Variants in TEKT5 observed in about 807,000 individuals in gnomAD.
TEKT5 encodes the protein tektin 5, also known as tektin-5.
TEKT5 carries 52 observed loss-of-function variants against 48.7 expected under a neutral mutation model. That is an observed-to-expected ratio of 1.07 (90% CI 0.86 to 1.35). TEKT5 has a LOEUF of 1.35. TEKT5 is among the 40% of genes most tolerant of loss of function. TEKT5 has a pLI of 0.00. For missense variants in TEKT5, 831 were observed against 641.6 expected (o/e 1.30, Z -3.19); for synonymous variants, 318 against 267.6 (o/e 1.19, Z -1.84).
chr16:10,636,035 C>A (rs1897908796), intron 5 of TEKT5, 117 bp from the exon 6 acceptor site: 16 of 1,460,494 alleles, frequency 1.1e-5, no homozygotes, highest in Non-Finnish European at 1.4e-5. Context: ...TAAGATACTC[C>A]TTCCCCGGCC....
chr16:10,677,063 T>C (rs1021538068), intron 4 of TEKT5, among the ~76,000 whole-genome samples: 2 of 151,760 alleles, frequency 1.3e-5, no homozygotes, highest in Non-Finnish European at 2.9e-5. Flanking sequence ...TGGTGGTGCA[T>C]GCCTGTGGTC....
intron 5 of TEKT5, among the ~76,000 whole-genome samples, chr16:10,640,003 TTCC>T (rs75597810): frequency 0.18 from 27,348 of 151,502 alleles, 2,693 homozygotes; most frequent in East Asian, 0.31. Context: ...CTTCCTCCTC[TTCC>T]TCCTCCTCAG....
At chr16:10,663,287 T>A (rs1898405453) in intron 5 of TEKT5, among the ~76,000 whole-genome samples, 1 of 152,190 alleles carries the variant, frequency 6.6e-6, no homozygotes, top group South Asian at 2.1e-4. Context: ...CTGTGTCTTG[T>A]GACAGTGGAG....
At chr16:10,671,339 G>A (rs1383349549) in intron 5 of TEKT5, among the ~76,000 whole-genome samples, 2 of 152,156 alleles carry the variant, frequency 1.3e-5, no homozygotes, top group African/African-American at 4.8e-5. Flanking sequence ...CGTATGAGAT[G>A]CCTCATTAAA....
intron 5 of TEKT5, among the ~76,000 whole-genome samples, chr16:10,656,354 C>T (rs1344282472): frequency 3.3e-5 from 5 of 152,020 alleles, no homozygotes; most frequent in East Asian, 1.9e-4. Flanking sequence ...TGGGCTCAAG[C>T]GATTCTCCCA....
At chr16:10,682,971 G>A (rs959034328) in intron 3 of TEKT5, among the ~76,000 whole-genome samples, 26 of 152,086 alleles carry the variant, frequency 1.7e-4, no homozygotes, top group African/African-American at 5.8e-4. Context: ...CAAATAAGAC[G>A]ACCCAGTCAC....
At chr16:10,685,416 C>T (rs1357218834) in intron 3 of TEKT5, among the ~76,000 whole-genome samples, 4 of 152,198 alleles carry the variant, frequency 2.6e-5, no homozygotes, top group Admixed American at 2.6e-4. Context: ...TCTCCTGCCT[C>T]AGCCCCCTGA....
intron 6 of TEKT5, among the ~76,000 whole-genome samples, chr16:10,630,564 G>T (rs140469047): frequency 4.6e-5 from 7 of 152,172 alleles, no homozygotes; most frequent in African/African-American, 1.7e-4. Context: ...GGCCAAGAGG[G>T]AAAGTATGTT....
intron 5 of TEKT5, among the ~76,000 whole-genome samples, chr16:10,641,123 C>T (rs908882884): frequency 4.0e-5 from 6 of 151,658 alleles, no homozygotes; most frequent in African/African-American, 1.2e-4. Flanking sequence ...TCCCCACCTT[C>T]GTCAACACTT....
intron 3 of TEKT5, among the ~76,000 whole-genome samples, chr16:10,687,545 G>C (rs578179142): frequency 6.6e-6 from 1 of 152,240 alleles, no homozygotes; most frequent in African/African-American, 2.4e-5. Context: ...CTGAGGTCAG[G>C]AGTTCCAGAC....
At chr16:10,635,657 AG>A in intron 6 of TEKT5, 106 bp downstream of exon 6, 1 of 1,479,384 alleles carries the variant, frequency 6.8e-7, no homozygotes, top group Admixed American at 2.0e-5. Flanking sequence ...TGATTGAAGG[AG>A]GGTCCATTTT....
chr16:10,666,327 C>T (rs972304253), intron 5 of TEKT5, among the ~76,000 whole-genome samples: 1 of 152,138 alleles, frequency 6.6e-6, no homozygotes, highest in African/African-American at 2.4e-5. Context: ...CAAACCCTCC[C>T]CTCCTGTTCC....
intron 5 of TEKT5, among the ~76,000 whole-genome samples, chr16:10,658,661 A>C (rs1440815587): frequency 6.6e-6 from 1 of 152,096 alleles, no homozygotes; most frequent in Non-Finnish European, 1.5e-5. Context: ...GATCTGGAAC[A>C]GGGTTTCCCA....
Position 10,676,122 on chromosome 16 carries a change from T to A in TEKT5, c.923A>T (p.Asn308Ile). ...CAGCTGGATGGAGTTGGCCCGCATG[T>A]TCTGAGAGTGTTTGATGTTGTCGTT... The part of the protein sequence containing the change: ...FSNDNIKHSQ[N>I]MRANSIQLRE... Residue 308 changes from asparagine (N) to isoleucine (I), a missense_variant, in exon 5 of 7, where the codon AAC becomes ATC. Transcript: ENST00000283025. The A allele has an allele frequency of 6.2e-7, 1 of 1,614,210 alleles. No individual in the cohort carries two copies. Among genetic ancestry groups the A allele is most frequent in the South Asian group, 1.1e-5 (1 of 91,080 alleles).
chr16:10,653,310 C>T (rs1011556478), intron 5 of TEKT5, among the ~76,000 whole-genome samples: 1 of 152,206 alleles, frequency 6.6e-6, no homozygotes, highest in Non-Finnish European at 1.5e-5. Context: ...TCACCTCACT[C>T]CCTTTCCCGC....
At chr16:10,641,684 T>C (rs1331697228) in intron 5 of TEKT5, among the ~76,000 whole-genome samples, 6 of 152,152 alleles carry the variant, frequency 3.9e-5, no homozygotes, top group Admixed American at 3.9e-4. Flanking sequence ...TAGCCAGGCA[T>C]GGTGATGCGC....
intron 1 of TEKT5, among the ~76,000 whole-genome samples, 183 bp downstream of exon 1, chr16:10,694,127 A>G (rs373083144): frequency 6.6e-6 from 1 of 152,344 alleles, no homozygotes; most frequent in Admixed American, 6.5e-5. Flanking sequence ...TCAGTCCAAG[A>G]AACCCTGATT....
intron 5 of TEKT5, 69 bp downstream of exon 5, chr16:10,675,890 C>A: frequency 6.6e-6 from 10 of 1,516,890 alleles, no homozygotes; most frequent in Non-Finnish European, 9.1e-6. Context: ...GCCCAGATAA[C>A]ACTCAGATTC....
At chr16:10,645,372 T>C (rs1487864625) in intron 5 of TEKT5, among the ~76,000 whole-genome samples, 1 of 151,368 alleles carries the variant, frequency 6.6e-6, no homozygotes, top group African/African-American at 2.4e-5. Context: ...ATTAGTCAGG[T>C]GTGGTGGTTT....
Sources: allele counts gnomAD v4.1 joint callset (sites outside exome capture counted in the v4.1 genomes callset), GRCh38; gene constraint gnomAD v4.1.1; transcripts MANE v1.5; gene names NCBI Gene and HGNC (gene_info 2026-07-23, HGNC 2026-07-21).